Variants in SNUPN observed in about 807,000 individuals in gnomAD.
The protein encoded by SNUPN is snurportin-1.
Under a neutral mutation model 39.2 loss-of-function variants are expected in SNUPN, and 31 were observed. The observed-to-expected ratio is 0.79, with a 90% CI of 0.59 to 1.07. The LOEUF (loss-of-function observed/expected upper bound fraction) is 1.07, where lower values mean the gene tolerates loss of function less well. Ranked by LOEUF, SNUPN falls within the 50% of genes least tolerant of loss-of-function variation. SNUPN has a pLI of 0.00. For missense variants in SNUPN, 382 were observed against 434.2 expected (o/e 0.88, Z 1.07); for synonymous variants, 132 against 159.0 (o/e 0.83, Z 1.28).
At chr15:75,603,054 ATT>A (rs34075827) in intron 7 of SNUPN, among the ~76,000 whole-genome samples, 2 of 137,380 alleles carry the variant, frequency 1.5e-5, no homozygotes, top group African/African-American at 5.4e-5. Context: ...TGGCCCAGGT[ATT>A]TTTTTTTTTT....
chr15:75,614,545 C>T (rs1331115706), intron 3 of SNUPN, among the ~76,000 whole-genome samples: 1 of 152,084 alleles, frequency 6.6e-6, no homozygotes, highest in Non-Finnish European at 1.5e-5. Flanking sequence ...TTATATGATT[C>T]CCTTTCTATG....
chr15:75,615,377 C>T (rs1892896102), intron 3 of SNUPN, among the ~76,000 whole-genome samples: 2 of 152,076 alleles, frequency 1.3e-5, no homozygotes, highest in Non-Finnish European at 2.9e-5. Context: ...CCACTCTACC[C>T]TAACTGGCCT....
intron 5 of SNUPN, among the ~76,000 whole-genome samples, chr15:75,609,098 T>C (rs1331105981): frequency 7.3e-6 from 1 of 137,378 alleles, no homozygotes; most frequent in East Asian, 2.5e-4. Flanking sequence ...GCCACTGCAC[T>C]CCAGCTTGGG....
At chr15:75,615,830 G>A (rs1208654643) in intron 3 of SNUPN, among the ~76,000 whole-genome samples, 5 of 151,044 alleles carry the variant, frequency 3.3e-5, no homozygotes, top group East Asian at 4.0e-4. Flanking sequence ...GGATGGTCTC[G>A]ATCTCCTGAC....
intron 7 of SNUPN, 49 bp from the exon 8 acceptor site, chr15:75,601,267 G>T: frequency 7.7e-7 from 1 of 1,296,456 alleles, no homozygotes; most frequent in East Asian, 2.3e-5. Context: ...AATGATACTG[G>T]CCCAAGCAAT....
intron 3 of SNUPN, among the ~76,000 whole-genome samples, chr15:75,610,227 G>A (rs1379954225): frequency 2.6e-5 from 4 of 151,692 alleles, no homozygotes; most frequent in Admixed American, 1.3e-4. Context: ...GTGAAATCTC[G>A]TCTCTACTAA....
At chr15:75,602,593 G>A (rs1455287735) in intron 7 of SNUPN, among the ~76,000 whole-genome samples, 1 of 151,776 alleles carries the variant, frequency 6.6e-6, no homozygotes, top group African/African-American at 2.4e-5. Context: ...ACTGGTCTGG[G>A]GTGGGATCCA....
intron 7 of SNUPN, among the ~76,000 whole-genome samples, chr15:75,602,652 C>G (rs998841359): frequency 6.6e-6 from 1 of 151,912 alleles, no homozygotes; most frequent in Non-Finnish European, 1.5e-5. Context: ...TTCACCCAGG[C>G]TGGAGTGCAG....
intron 1 of SNUPN, chr15:75,624,782 T>G (rs111481276): frequency 6.1e-5 from 78 of 1,277,246 alleles, no homozygotes; most frequent in East Asian, 1.7e-4. Flanking sequence ...TGTTGTTGTT[T>G]TTTTTTTGAG....
At chr15:75,619,020 G>GT (rs1044918213) in intron 2 of SNUPN, among the ~76,000 whole-genome samples, 4 of 81,274 alleles carry the variant, frequency 4.9e-5, no homozygotes, top group Admixed American at 1.9e-4. Flanking sequence ...TGCTACTTGT[G>GT]TTAAAAAAAA....
At chr15:75,609,754 ACAAACCTT>A (rs1892731140) in intron 4 of SNUPN, 103 bp from the exon 5 acceptor site, 3 of 1,161,130 alleles carry the variant, frequency 2.6e-6, no homozygotes, top group Non-Finnish European at 3.8e-6. Context: ...ATGGCTCTCA[ACAAACCTT>A]CCTGCAGGAA....
At chr15:75,604,186 A>T in intron 7 of SNUPN, among the ~76,000 whole-genome samples, 1 of 129,388 alleles carries the variant, frequency 7.7e-6, no homozygotes, top group Non-Finnish European at 1.6e-5. Context: ...TTTGTGACAG[A>T]GTCTCGCTCT....
intron 5 of SNUPN, among the ~76,000 whole-genome samples, chr15:75,608,969 G>A (rs978918040): frequency 6.6e-6 from 1 of 151,878 alleles, no homozygotes; most frequent in Non-Finnish European, 1.5e-5. Context: ...GTGAAATCCA[G>A]TCTCTACTAA....
rs1269861695 is a variant in SNUPN, at chr15:75,617,531, G to T, written c.180C>A (p.Asn60Lys). 1.2e-6 allele frequency: 2 copies of T among 1,612,618 alleles called. No individual in the cohort carries two copies. Among genetic ancestry groups the T allele is most frequent in the Non-Finnish European group, 1.7e-6 (2 of 1,179,814 alleles). Reference protein sequence around the residue: ...LQKSKRLDYVNHARRLAEDDW... With the variant: ...LQKSKRLDYVKHARRLAEDDW... ...CATCTTCAGCCAGTCTTCTGGCATG[G>T]TTCACATAATCCAGCCGCTTGCTGG... The change falls in exon 3 of 9, where the codon AAC (asparagine) becomes AAA (lysine). Residue 60 changes from asparagine to lysine, a missense_variant. Coordinates refer to ENST00000308588, the MANE Select transcript of SNUPN (RefSeq NM_005701.4).
chr15:75,620,382 T>A (rs965458904), intron 2 of SNUPN, among the ~76,000 whole-genome samples: 2 of 152,198 alleles, frequency 1.3e-5, no homozygotes, highest in Non-Finnish European at 2.9e-5. Context: ...TCTTTCCCTG[T>A]TTGCACATCT....
chr15:75,613,115 C>T (rs1447654987), intron 3 of SNUPN, among the ~76,000 whole-genome samples: 12 of 151,752 alleles, frequency 7.9e-5, no homozygotes, highest in Admixed American at 1.3e-4. Flanking sequence ...AAAAATTAGC[C>T]GGGCGCGGTG....
At chr15:75,604,614 T>C (rs2075316960) in intron 7 of SNUPN, among the ~76,000 whole-genome samples, 1 of 152,250 alleles carries the variant, frequency 6.6e-6, no homozygotes, top group South Asian at 2.1e-4. Context: ...CATATTTATA[T>C]AATTTGGTTC....
At chr15:75,609,063 G>A (rs1455399557) in intron 5 of SNUPN, among the ~76,000 whole-genome samples, 7 of 151,276 alleles carry the variant, frequency 4.6e-5, no homozygotes, top group Non-Finnish European at 7.4e-5. Flanking sequence ...CCCAGGAGGC[G>A]GAAGTTGCAG....
intron 5 of SNUPN, among the ~76,000 whole-genome samples, chr15:75,608,912 G>C (rs1479370988): frequency 6.6e-6 from 1 of 152,058 alleles, no homozygotes; most frequent in Admixed American, 6.6e-5. Flanking sequence ...GCCAAGGTGG[G>C]TGGATCACTT....
Sources: allele counts gnomAD v4.1 joint callset (sites outside exome capture counted in the v4.1 genomes callset), GRCh38; gene constraint gnomAD v4.1.1; transcripts MANE v1.5; gene names NCBI Gene and HGNC (gene_info 2026-07-23, HGNC 2026-07-21).